Variants in DNMT3A observed in about 807,000 individuals in gnomAD.
DNMT3A encodes DNA methyltransferase 3 alpha, also known as DNA (cytosine-5)-methyltransferase 3A.
In DNMT3A, 267 loss-of-function variants were observed where a neutral mutation model predicts 117.6. That is an observed-to-expected ratio of 2.27 (90% CI 2.05 to 2.51). The LOEUF is 2.51. DNMT3A is among the 30% of genes most tolerant of loss of function. DNMT3A has a pLI of 0.00. For synonymous variants in DNMT3A, 432 were observed against 474.8 expected (o/e 0.91, Z 1.17); for missense variants, 1,029 against 1,260.2 (o/e 0.82, Z 2.78).
Position 25,259,432 on chromosome 2 carries a change from A to G in DNMT3A, c.640-11180T>C, listed in dbSNP as rs1676426743. 2.0e-5 allele frequency among the ~76,000 whole-genome samples: 3 copies of G among 152,294 alleles called. No homozygotes were observed. The South Asian group carries it at 6.2e-4, about 32-fold the overall frequency. ...CGCTGAGCAGGGTGTTTTACAGCTG[A>G]TGACAAGACCTTAAATAACCCCTAG... is the stretch of plus-strand genomic sequence containing the variant. On this transcript the variant is annotated intron_variant, in intron 6 of 22. Coordinates refer to ENST00000321117, the MANE Select transcript of DNMT3A (RefSeq NM_022552.5).
Position 25,286,575 on chromosome 2 carries a change from C to T in DNMT3A, c.178-3864G>A, listed in dbSNP as rs1214657446. On this transcript the variant is annotated intron_variant, in intron 3 of 22. Transcript: ENST00000321117. This position sits in a 1 kb window ranked among gnomAD's most constrained non-coding sequence, Gnocchi z 4.3. ...GGGGAGGGCAATGACTTCTGCCACGCTCAACCCTTGATTCATCCTACCCAT... is the reference window on the plus strand; with the variant it reads ...GGGGAGGGCAATGACTTCTGCCACGTTCAACCCTTGATTCATCCTACCCAT... Among the ~76,000 whole-genome samples, 1 of 152,232 alleles carries T rather than the reference C, an allele frequency of 6.6e-6. No homozygotes were observed. The highest frequency in any genetic ancestry group is 1.5e-5 in the Non-Finnish European group (1 of 68,044).
intron 3 of DNMT3A, among the ~76,000 whole-genome samples, chr2:25,289,196 G>A (rs1004728579): frequency 6.6e-5 from 10 of 150,766 alleles, no homozygotes; most frequent in South Asian, 2.1e-4. Context: ...TCCACCTCCC[G>A]GATTCAAGCG....
rs1673902179 is a variant in DNMT3A at position 25,240,635 on chromosome 2, C to G, written c.2173+5G>C. 1 of 1,614,032 alleles carries G rather than the reference C, an allele frequency of 6.2e-7. No homozygotes were observed. The highest frequency in any genetic ancestry group is 8.5e-7 in the Non-Finnish European group (1 of 1,180,000). ...AGAAGGTGGAGGGGACAGGATGGTA[C>G]CTACCGTAGAGGCCCTTGCGAGCAG... is the stretch of plus-strand genomic sequence containing the variant. On this transcript the variant is annotated splice_donor_5th_base_variant and intron_variant, in intron 18 of 22. Coordinates refer to ENST00000321117, the MANE Select transcript of DNMT3A (RefSeq NM_022552.5).
chr2:25,325,653 A>T (rs1338538780), intron 1 of DNMT3A, among the ~76,000 whole-genome samples: 1 of 151,964 alleles, frequency 6.6e-6, no homozygotes, highest in Non-Finnish European at 1.5e-5. Context: ...AGACACACAC[A>T]CCCACTTGGC....
Position 25,234,243 on chromosome 2 carries a change from A to G in DNMT3A, c.*36T>C. ...TTTGTGTTTTTTGTTTGTTTGTTTA[A>G]CTTTGTGTCGCTACCTCAGTTTGCC... is the stretch of plus-strand genomic sequence containing the variant. On this transcript the variant is annotated 3_prime_UTR_variant, in exon 23 of 23. Transcript: ENST00000321117. This position sits in a 1 kb window ranked among gnomAD's most constrained non-coding sequence, Gnocchi z 4.5. 6.3e-7 allele frequency: 1 copy of G among 1,577,818 alleles called. No individual in the cohort carries two copies. Among genetic ancestry groups the G allele is most frequent in the Non-Finnish European group, 8.6e-7 (1 of 1,157,038 alleles).
chr2:25,342,524 C>T (rs939385706), upstream of DNMT3A: 8 of 152,682 alleles, frequency 5.2e-5, no homozygotes, highest in African/African-American at 1.9e-4. The surrounding 1 kb of genome is among the most constrained non-coding windows in gnomAD (Gnocchi z 5.9). Flanking sequence ...TGCCTCCCCC[C>T]GCAGCCCGCG....
intron 4 of DNMT3A, among the ~76,000 whole-genome samples, chr2:25,278,735 A>G (rs1350567301): frequency 6.6e-6 from 1 of 152,136 alleles, no homozygotes; most frequent in Non-Finnish European, 1.5e-5. Context: ...CTGAGGCAGG[A>G]GAATCGCTTC....
rs1558661472 is a variant in DNMT3A at position 25,241,620 on chromosome 2, A to C, written c.2024T>G (p.Val675Gly). 1 of 1,613,942 alleles carries C rather than the reference A, an allele frequency of 6.2e-7. No homozygotes were observed. Reference protein sequence around the residue: ...VCEDSITVGMVRHQGKIMYVG... With the variant: ...VCEDSITVGMGRHQGKIMYVG... ...GTACATGATCTTCCCCTGGTGCCGC[A>C]CCATGCCCACCGTGATGGAGTCCTC... The change falls in exon 17 of 23, where the codon GTG becomes GGG. Residue 675 changes from valine (V) to glycine (G), a missense_variant. Val to Gly is a moderately radical substitution (Grantham distance 109). Transcript: ENST00000321117.
At position 25,339,510 on chromosome 2, in the gene DNMT3A, G is replaced by T. The variant is rs1360022100; in HGVS notation, c.-178+2316C>A. Among the ~76,000 whole-genome samples the T allele has an allele frequency of 1.3e-5, 2 of 152,190 alleles. No homozygotes were observed. Among genetic ancestry groups the T allele is most frequent in the Non-Finnish European group, 1.5e-5 (1 of 68,028 alleles). ...TGGGGAGGAGCTGCACAGAGGAGGG[G>T]GACCCACCAGGGAGGCAGGCAGGTG... On this transcript the variant is annotated intron_variant, in intron 1 of 22. Coordinates refer to ENST00000321117, the MANE Select transcript of DNMT3A (RefSeq NM_022552.5). This position sits in a 1 kb window ranked among gnomAD's most constrained non-coding sequence, Gnocchi z 4.9.
At position 25,275,535 on chromosome 2, in the gene DNMT3A, G is replaced by C; in HGVS notation, c.457C>G (p.Gln153Glu). The C allele has an allele frequency of 6.3e-7, 1 of 1,581,310 alleles. No homozygotes were observed. The highest frequency in any genetic ancestry group is 8.6e-7 in the Non-Finnish European group (1 of 1,169,308). Residue 153 changes from glutamine (Q) to glutamate (E), a missense_variant, in exon 5 of 23, where the codon CAG becomes GAG. Transcript: ENST00000321117. ...ATGGATTCGATGTTGGTCTCCTTCT[G>C]TTCTTTGCCTGTGGAGAGGGAAGAA... ...RGAPAEAGKE[Q>E]KETNIESMKM...
intron 6 of DNMT3A, among the ~76,000 whole-genome samples, chr2:25,266,937 CAG>C (rs2030410059): frequency 6.6e-6 from 1 of 152,106 alleles, no homozygotes; most frequent in South Asian, 2.1e-4. Context: ...CTTAGAGAAA[CAG>C]ATGCACAAAG....
intron 3 of DNMT3A, among the ~76,000 whole-genome samples, chr2:25,284,645 T>TAAAAAAAAAAAAAAA (rs56901099): frequency 6.0e-4 from 10 of 16,644 alleles, no homozygotes; most frequent in Non-Finnish European, 8.7e-4. Flanking sequence ...AGACTCCATC[T>TAAAAAAAAAAAAAAA]AAAAAAAAAA....
chr2:25,234,998 C>T lies in DNMT3A; in HGVS notation c.2598-578G>A, dbSNP rs1673192464. On this transcript the variant is annotated intron_variant, in intron 22 of 22. Coordinates refer to ENST00000321117, the MANE Select transcript of DNMT3A (RefSeq NM_022552.5). The surrounding 1 kb of genome is among the most constrained non-coding windows in gnomAD (Gnocchi z 4.5). Reference sequence around the variant, plus strand: ...AGAGAACAAGAAGGTCATCCAGCCCCGAAAGTCCCATTTGCATCAAATCAG... The same window carrying T: ...AGAGAACAAGAAGGTCATCCAGCCCTGAAAGTCCCATTTGCATCAAATCAG... 6.6e-6 allele frequency among the ~76,000 whole-genome samples: 1 copy of T among 152,072 alleles called. No homozygotes were observed. The highest frequency in any genetic ancestry group is 2.1e-4 in the South Asian group (1 of 4,810).
rs1427699002 is a variant in DNMT3A at position 25,234,986 on chromosome 2, G to C, written c.2598-566C>G. Among the ~76,000 whole-genome samples the C allele has an allele frequency of 6.6e-6, 1 of 152,134 alleles. No individual in the cohort carries two copies. The highest frequency in any genetic ancestry group is 1.5e-5 in the Non-Finnish European group (1 of 68,032). On this transcript the variant is annotated intron_variant, in intron 22 of 22. Transcript: ENST00000321117. The surrounding 1 kb of genome is among the most constrained non-coding windows in gnomAD (Gnocchi z 4.5). ...CTAGTTACACTCAGAGAACAAGAAG[G>C]TCATCCAGCCCCGAAAGTCCCATTT...
Position 25,281,752 on chromosome 2 carries a change from T to C in DNMT3A, c.448+689A>G. ...TGGCCCTGAAATTGCTGGCTTAACCTGAAAGAGAAAAGTGGGCAACTTTCC... is the reference window on the plus strand; with the variant it reads ...TGGCCCTGAAATTGCTGGCTTAACCCGAAAGAGAAAAGTGGGCAACTTTCC... On this transcript the variant is annotated intron_variant, in intron 4 of 22. Transcript: ENST00000321117. This position sits in a 1 kb window ranked among gnomAD's most constrained non-coding sequence, Gnocchi z 4.8. 9.4e-7 allele frequency: 1 copy of C among 1,065,880 alleles called. No homozygotes were observed. The highest frequency in any genetic ancestry group is 1.1e-6 in the Non-Finnish European group (1 of 879,636). 66.0% of individuals were successfully genotyped at this position (1,065,880 alleles called of 1,614,324 possible).
In DNMT3A at chr2:25,311,392, C is replaced by T. The variant is rs2034111021; in HGVS notation, c.72+2521G>A. ...CTGTCAGTGTCTCTCCCCACCCTCC[C>T]TGGGCGGCTCCCTGGAGGTGCTGGA... is the stretch of plus-strand genomic sequence containing the variant. On this transcript the variant is annotated intron_variant, in intron 2 of 22. Coordinates refer to ENST00000321117, the MANE Select transcript of DNMT3A (RefSeq NM_022552.5). The surrounding 1 kb of genome is among the most constrained non-coding windows in gnomAD (Gnocchi z 5.2). Among the ~76,000 whole-genome samples, 1 of 152,242 alleles carries T rather than the reference C, an allele frequency of 6.6e-6. No homozygotes were observed. The highest frequency in any genetic ancestry group is 2.1e-4 in the South Asian group (1 of 4,838).
At chr2:25,273,802 G>T (rs1172010883) in intron 6 of DNMT3A, among the ~76,000 whole-genome samples, 1 of 152,154 alleles carries the variant, frequency 6.6e-6, no homozygotes. Context: ...AGTGAATTCA[G>T]CTTTCCCTAG....
rs573855114 is a variant in DNMT3A, at chr2:25,244,719, G to A, written c.1555-67C>T. On this transcript the variant is annotated intron_variant, in intron 13 of 22. Transcript: ENST00000321117. The stretch of plus-strand genomic sequence containing the variant: ...CCCAGGACGGCCAGGACGAAGGGAG[G>A]CTCCACACCTGGCCTCACAGAGCCT... 4.5e-4 allele frequency: 616 copies of A among 1,370,260 alleles called. 2 individuals carry two copies. The African/African-American group carries it at 7.8e-3, about 17-fold the overall frequency. The allele number at this position is 1,370,260 out of a possible 1,614,324, so 84.9% of individuals were successfully genotyped here. A position where few individuals can be genotyped will look rare whatever the true frequency, so the allele number is the denominator to read the frequency against.
intron 1 of DNMT3A, among the ~76,000 whole-genome samples, chr2:25,331,523 A>G (rs2035012464): frequency 6.6e-6 from 1 of 152,198 alleles, no homozygotes; most frequent in Non-Finnish European, 1.5e-5. Flanking sequence ...CCACCCAAAG[A>G]TTCTCAGACG....
Sources: allele counts gnomAD v4.1 joint callset (sites outside exome capture counted in the v4.1 genomes callset), GRCh38; gene constraint gnomAD v4.1.1; non-coding constraint Gnocchi (gnomAD v3.1); transcripts MANE v1.5; gene names NCBI Gene and HGNC (gene_info 2026-07-23, HGNC 2026-07-21).